Variants in POU2F1 observed in about 807,000 individuals in gnomAD.
POU2F1 encodes the protein POU domain, class 2, transcription factor 1.
POU2F1 carries 16 observed loss-of-function variants against 84.9 expected under a neutral mutation model. The observed-to-expected ratio is 0.19, with a 90% CI of 0.13 to 0.29. The LOEUF (loss-of-function observed/expected upper bound fraction) is 0.29, where lower values mean the gene tolerates loss of function less well. Ranked by LOEUF, POU2F1 falls within the 10% of genes least tolerant of loss-of-function variation. The pLI is 1.00. For missense variants in POU2F1, 738 were observed against 942.6 expected (o/e 0.78, Z 2.84); for synonymous variants, 368 against 368.3 (o/e 1.00, Z 0.01).
chr1:167,409,299 C>A (rs536282526), intron 13 of POU2F1, among the ~76,000 whole-genome samples: 7 of 152,102 alleles, frequency 4.6e-5, no homozygotes, highest in Non-Finnish European at 8.8e-5. Context: ...TGAGAAAAGA[C>A]AAGACAGGGC....
At chr1:167,280,191 G>GA (rs56375901) in intron 1 of POU2F1, among the ~76,000 whole-genome samples, 83 of 62,922 alleles carry the variant, frequency 1.3e-3, no homozygotes, top group East Asian at 1.7e-3. Flanking sequence ...CTGTCTCGGG[G>GA]AAAAAAAAAA....
chr1:167,331,669 A>G (rs1657091485), intron 1 of POU2F1, among the ~76,000 whole-genome samples: 1 of 152,038 alleles, frequency 6.6e-6, no homozygotes, highest in African/African-American at 2.4e-5. Context: ...CTCTTAATGT[A>G]TTTTCTGGGA....
intron 1 of POU2F1, among the ~76,000 whole-genome samples, chr1:167,309,987 A>G (rs1323864074): frequency 1.3e-5 from 2 of 152,178 alleles, no homozygotes; most frequent in Non-Finnish European, 2.9e-5. Context: ...TTCTTTTCAT[A>G]GAACATTATT....
chr1:167,348,741 T>C (rs1204776034), intron 2 of POU2F1, among the ~76,000 whole-genome samples: 1 of 152,166 alleles, frequency 6.6e-6, no homozygotes, highest in African/African-American at 2.4e-5. Flanking sequence ...CTTGTCACCT[T>C]GGTTGTTTGT....
At position 167,427,221 on chromosome 1, in the gene POU2F1, G is replaced by T. The variant is rs1391327066; in HGVS notation, c.*11411G>T. ...GGTGACAGTGAATCAGAATGAAGTGGTAGATTTTGTGTAGATGCATTTGTC... is the reference window on the plus strand; with the variant it reads ...GGTGACAGTGAATCAGAATGAAGTGTTAGATTTTGTGTAGATGCATTTGTC... On this transcript the variant is annotated 3_prime_UTR_variant, in exon 16 of 16. Transcript: ENST00000367866. The T allele has an allele frequency of 6.6e-6, 1 of 152,084 alleles. No individual in the cohort carries two copies. Among genetic ancestry groups the T allele is most frequent in the Non-Finnish European group, 1.5e-5 (1 of 67,998 alleles). The allele number at this position is 152,084 out of a possible 1,614,324, so 9.4% of individuals were successfully genotyped here. A position where few individuals can be genotyped will look rare whatever the true frequency, so the allele number is the denominator to read the frequency against.
chr1:167,324,395 G>C (rs1277622082), intron 1 of POU2F1, among the ~76,000 whole-genome samples: 1 of 147,206 alleles, frequency 6.8e-6, no homozygotes, highest in African/African-American at 2.7e-5. Context: ...TGTAAAATGT[G>C]ACTTTCAGTG....
chr1:167,408,015 A>T (rs1367412024), intron 13 of POU2F1, among the ~76,000 whole-genome samples: 1 of 152,260 alleles, frequency 6.6e-6, no homozygotes, highest in Non-Finnish European at 1.5e-5. Flanking sequence ...ATGTATAAAC[A>T]ACTCTTACAA....
intron 13 of POU2F1, among the ~76,000 whole-genome samples, chr1:167,403,123 T>C (rs914713683): frequency 2.0e-5 from 3 of 150,714 alleles, no homozygotes; most frequent in Non-Finnish European, 4.5e-5. Flanking sequence ...TGTGGATCTA[T>C]TTGTGATTTT....
In POU2F1 at chr1:167,415,597, C is replaced by T. The variant is rs1650248589; in HGVS notation, c.2088C>T (p.Ala696=). ...GAGGAGCCCCCAACATCGTGACTGC[C>T]CCTCTGTTCCTGAACCCTCAGAACC... The part of the protein sequence containing the change: ...NAGGAPNIVT[A]PLFLNPQNLS... Residue 696 remains alanine (A), a synonymous_variant, in exon 16 of 16, where the codon GCC becomes GCT. Coordinates refer to ENST00000367866, the MANE Select transcript of POU2F1 (RefSeq NM_002697.4). The T allele has an allele frequency of 1.2e-6, 2 of 1,614,142 alleles. No homozygotes were observed. The highest frequency in any genetic ancestry group is 1.7e-6 in the Non-Finnish European group (2 of 1,179,988).
intron 2 of POU2F1, among the ~76,000 whole-genome samples, chr1:167,334,904 A>G (rs1463597526): frequency 6.6e-6 from 1 of 152,194 alleles, no homozygotes; most frequent in Non-Finnish European, 1.5e-5. Flanking sequence ...AAGCCTCACA[A>G]TTTCTGGATT....
chr1:167,413,088 G>A lies in POU2F1; in HGVS notation c.1964G>A (p.Ser655Asn). The A allele has an allele frequency of 1.2e-6, 2 of 1,613,870 alleles. No individual in the cohort carries two copies. Among genetic ancestry groups the A allele is most frequent in the East Asian group, 2.2e-5 (1 of 44,874 alleles). The stretch of plus-strand genomic sequence containing the variant: ...GGTGCTCTCAGCCCAGCTCTAATGA[G>A]CAACAGTACACTGGCAACTATTCAA... ...LSGALSPALM[S>N]NSTLATIQAL... is the part of the protein sequence containing the mutation. Residue 655 changes from serine to asparagine, a missense_variant, in exon 15 of 16, where the codon AGC becomes AAC. Coordinates refer to ENST00000367866, the MANE Select transcript of POU2F1 (RefSeq NM_002697.4).
intron 1 of POU2F1, among the ~76,000 whole-genome samples, chr1:167,323,086 G>T (rs748152864): frequency 1.4e-4 from 21 of 152,172 alleles, no homozygotes; most frequent in Non-Finnish European, 2.5e-4. Context: ...ACACGTTCTT[G>T]TCTTCCCAAT....
chr1:167,344,420 T>C (rs1658058040), intron 2 of POU2F1, among the ~76,000 whole-genome samples: 1 of 152,156 alleles, frequency 6.6e-6, no homozygotes, highest in African/African-American at 2.4e-5. Context: ...ATTGCTGTGG[T>C]TAAGAAAGTG....
chr1:167,340,512 A>G lies in POU2F1; in HGVS notation c.127+7977A>G, dbSNP rs983686188. ...AGTGGCACGATCTCGGCTCACTGCAACCTCCACCTCCTGCATTCATGAAGT... is the reference window on the plus strand; with the variant it reads ...AGTGGCACGATCTCGGCTCACTGCAGCCTCCACCTCCTGCATTCATGAAGT... On this transcript the variant is annotated intron_variant, in intron 2 of 15. Coordinates refer to ENST00000367866, the MANE Select transcript of POU2F1 (RefSeq NM_002697.4). 5.5e-5 allele frequency among the ~76,000 whole-genome samples: 8 copies of G among 145,938 alleles called. No individual in the cohort carries two copies. In the East Asian group the frequency reaches 1.2e-3, roughly 22 times the overall value.
At chr1:167,375,297 A>G (rs1038432983) in intron 6 of POU2F1, among the ~76,000 whole-genome samples, 1 of 152,210 alleles carries the variant, frequency 6.6e-6, no homozygotes, top group Admixed American at 6.5e-5. Flanking sequence ...ACTAGTCTTT[A>G]TACAATCTTT....
At chr1:167,374,812 AATCC>A (rs543394259) in intron 6 of POU2F1, among the ~76,000 whole-genome samples, 10 of 152,228 alleles carry the variant, frequency 6.6e-5, no homozygotes, top group Non-Finnish European at 1.3e-4. Flanking sequence ...TCACGCCTGT[AATCC>A]CAGCACTTTG....
chr1:167,344,440 G>A (rs775889686), intron 2 of POU2F1, among the ~76,000 whole-genome samples: 2 of 152,176 alleles, frequency 1.3e-5, no homozygotes, highest in Non-Finnish European at 2.9e-5. Context: ...GAATGGTTGT[G>A]TAAAGGGAAT....
At chr1:167,348,022 G>A (rs375482901) in intron 2 of POU2F1, among the ~76,000 whole-genome samples, 2 of 152,122 alleles carry the variant, frequency 1.3e-5, no homozygotes, top group Non-Finnish European at 2.9e-5. Context: ...ATTTGTTTGA[G>A]TACTTGTTTT....
At chr1:167,285,571 TGACA>T (rs939919933) in intron 1 of POU2F1, among the ~76,000 whole-genome samples, 6 of 151,326 alleles carry the variant, frequency 4.0e-5, no homozygotes, top group Non-Finnish European at 7.4e-5. Flanking sequence ...CCAGCCTGGG[TGACA>T]GACAGAGACT....
Sources: allele counts gnomAD v4.1 joint callset (sites outside exome capture counted in the v4.1 genomes callset), GRCh38; gene constraint gnomAD v4.1.1; transcripts MANE v1.5; gene names NCBI Gene and HGNC (gene_info 2026-07-23, HGNC 2026-07-21).